The following GALNTL6 variants were observed in gnomAD, a reference collection of about 807,000 sequenced individuals.
GALNTL6 encodes polypeptide N-acetylgalactosaminyltransferase-like 6.
Under a neutral mutation model 73.7 loss-of-function variants are expected in GALNTL6, and 46 were observed. The ratio of observed to expected loss-of-function variants is 0.62; its 90% CI spans 0.49 to 0.80. GALNTL6 has a LOEUF of 0.80. GALNTL6 is among the 30% of genes least tolerant of loss of function. The probability of loss-of-function intolerance (pLI) is 0.00; values close to 1 mark genes in which losing one functional copy is unlikely to be tolerated. For synonymous variants in GALNTL6, 259 were observed against 263.7 expected, an observed-to-expected ratio of 0.98 and a Z score of 0.17; for missense variants, 604 against 755.0, an observed-to-expected ratio of 0.80 and a Z score of 2.34.
chr4:172,697,692 C>T (rs1733777316), intron 5 of GALNTL6, among the ~76,000 whole-genome samples: 1 of 152,048 alleles, frequency 6.6e-6, no homozygotes, highest in African/African-American at 2.4e-5. Flanking sequence ...GAATGGAATA[C>T]GATGCTTGCA....
At chr4:172,990,319 T>C (rs182222822) in intron 10 of GALNTL6, among the ~76,000 whole-genome samples, 3 of 152,314 alleles carry the variant, frequency 2.0e-5, no homozygotes, top group Admixed American at 2.0e-4. Context: ...GAAAGAAATA[T>C]TTTTTTAATT....
At chr4:171,980,056 T>A (rs894059977) in intron 2 of GALNTL6, among the ~76,000 whole-genome samples, 11 of 152,098 alleles carry the variant, frequency 7.2e-5, no homozygotes, top group African/African-American at 1.2e-4. Context: ...GGCAAAAAAA[T>A]TAATTAGCAA....
At chr4:172,295,530 GGT>G (rs1739639186) in intron 3 of GALNTL6, among the ~76,000 whole-genome samples, 1 of 73,094 alleles carries the variant, frequency 1.4e-5, no homozygotes, top group African/African-American at 5.0e-5. Context: ...TCTTTTTTTA[GGT>G]TTTTTTTTTT....
chr4:172,248,434 C>T (rs183823060), intron 3 of GALNTL6, among the ~76,000 whole-genome samples: 25 of 152,156 alleles, frequency 1.6e-4, no homozygotes, highest in Non-Finnish European at 2.9e-4. Flanking sequence ...CTCATTGTGT[C>T]CCTAGGCAAA....
chr4:171,910,609 T>C (rs1006215406), intron 2 of GALNTL6, among the ~76,000 whole-genome samples: 18 of 152,040 alleles, frequency 1.2e-4, no homozygotes, highest in Non-Finnish European at 1.8e-4. Flanking sequence ...TGGAAAGAGA[T>C]GTCTGTATAA....
At chr4:172,940,656 C>T (rs1040166035) in intron 9 of GALNTL6, among the ~76,000 whole-genome samples, 3 of 151,462 alleles carry the variant, frequency 2.0e-5, no homozygotes, top group Non-Finnish European at 2.9e-5. Flanking sequence ...CCACCACACC[C>T]GGCCAACATT....
intron 5 of GALNTL6, among the ~76,000 whole-genome samples, chr4:172,717,361 C>T (rs972769399): frequency 2.0e-5 from 3 of 152,146 alleles, no homozygotes; most frequent in African/African-American, 7.2e-5. Context: ...CAAATTTGAT[C>T]TTTATTAAAC....
At chr4:172,085,699 G>T (rs1350257299) in intron 2 of GALNTL6, among the ~76,000 whole-genome samples, 1 of 151,286 alleles carries the variant, frequency 6.6e-6, no homozygotes, top group Non-Finnish European at 1.5e-5. Flanking sequence ...AAATATAAAT[G>T]TATTTAAAAA....
chr4:172,481,922 G>A (rs868451609), intron 5 of GALNTL6, among the ~76,000 whole-genome samples: 10 of 152,336 alleles, frequency 6.6e-5, no homozygotes, highest in Non-Finnish European at 1.2e-4. Context: ...GGGACTGAGC[G>A]TCAGGGAGCA....
At chr4:172,250,731 T>C (rs552722615) in intron 3 of GALNTL6, among the ~76,000 whole-genome samples, 2 of 152,296 alleles carry the variant, frequency 1.3e-5, no homozygotes, top group South Asian at 4.1e-4. Flanking sequence ...TTCCTTCCTT[T>C]ATAAATTACC....
chr4:172,387,593 T>C (rs1743517519), intron 5 of GALNTL6, among the ~76,000 whole-genome samples: 1 of 152,144 alleles, frequency 6.6e-6, no homozygotes, highest in South Asian at 2.1e-4. Flanking sequence ...TTTGACAGTT[T>C]GTATATGATG....
intron 2 of GALNTL6, among the ~76,000 whole-genome samples, chr4:172,187,733 A>T (rs1735456007): frequency 6.6e-6 from 1 of 152,134 alleles, no homozygotes; most frequent in Non-Finnish European, 1.5e-5. Flanking sequence ...AATTATGGTT[A>T]TGTGGCCTTA....
At chr4:171,891,632 G>A (rs1383762705) in intron 2 of GALNTL6, among the ~76,000 whole-genome samples, 1 of 152,132 alleles carries the variant, frequency 6.6e-6, no homozygotes, top group Non-Finnish European at 1.5e-5. Flanking sequence ...GATAATCTGT[G>A]TTCATTTTGT....
chr4:172,081,013 T>A (rs1731862991), intron 2 of GALNTL6, among the ~76,000 whole-genome samples: 1 of 152,160 alleles, frequency 6.6e-6, no homozygotes, highest in Admixed American at 6.5e-5. Flanking sequence ...TTATTTGTAA[T>A]CCATTTCTCA....
intron 5 of GALNTL6, among the ~76,000 whole-genome samples, chr4:172,585,082 A>C (rs1222579837): frequency 6.7e-6 from 1 of 148,706 alleles, no homozygotes; most frequent in Non-Finnish European, 1.5e-5. Context: ...TGCTGAATTG[A>C]CCAATACGGA....
At chr4:172,348,747 G>T in intron 5 of GALNTL6, 58 bp downstream of exon 5, 1 of 1,183,448 alleles carries the variant, frequency 8.4e-7, no homozygotes, top group South Asian at 1.9e-5. Context: ...TAATCATTAA[G>T]GACTTTTTAA....
At chr4:172,731,361 T>A (rs934508911) in intron 5 of GALNTL6, among the ~76,000 whole-genome samples, 2 of 152,176 alleles carry the variant, frequency 1.3e-5, no homozygotes, top group Non-Finnish European at 2.9e-5. Context: ...TGATAATCTG[T>A]AATGATTCTT....
At chr4:171,915,496 T>C (rs1737591461) in intron 2 of GALNTL6, among the ~76,000 whole-genome samples, 2 of 152,196 alleles carry the variant, frequency 1.3e-5, no homozygotes, top group South Asian at 4.1e-4. Flanking sequence ...ATTTTTTATC[T>C]TTTAGTTTTG....
At chr4:172,479,799 GAGTTA>G (rs1242425201) in intron 5 of GALNTL6, among the ~76,000 whole-genome samples, 2 of 148,000 alleles carry the variant, frequency 1.4e-5, no homozygotes, top group Non-Finnish European at 3.1e-5. Context: ...TCTTATTAGA[GAGTTA>G]AGTTATGAAG....
Sources: gnomAD v4.1 joint callset for allele counts (sites outside exome capture counted in the v4.1 genomes callset) on GRCh38, gnomAD v4.1.1 for gene constraint, MANE v1.5 for transcripts, NCBI Gene and HGNC (gene_info 2026-07-23, HGNC 2026-07-21) for gene names.